The following ARID1B variants were observed in gnomAD, a reference collection of about 807,000 sequenced individuals.
ARID1B encodes the protein AT-rich interaction domain 1B.
In ARID1B, 30 loss-of-function variants were observed where a neutral mutation model predicts 212.3. That is an observed-to-expected ratio of 0.14 (90% CI 0.11 to 0.19). The LOEUF is 0.19. ARID1B is among the 10% of genes least tolerant of loss of function. The probability of loss-of-function intolerance (pLI) is 1.00; values close to 1 mark genes in which losing one functional copy is unlikely to be tolerated. For missense variants in ARID1B, 2,891 were observed against 3,204.0 expected (o/e 0.90, Z 2.36); for synonymous variants, 1,402 against 1,301.7 (o/e 1.08, Z -1.66).
chr6:156,871,435 C>G (rs1425884488), intron 2 of ARID1B, among the ~76,000 whole-genome samples: 1 of 152,124 alleles, frequency 6.6e-6, no homozygotes, highest in East Asian at 1.9e-4. Context: ...CATGGATAAC[C>G]CTTTTGCACA....
In ARID1B at chr6:157,206,085, A is replaced by G. The variant is rs1180366916; in HGVS notation, c.5395-82A>G. The G allele has an allele frequency of 6.9e-6, 10 of 1,444,946 alleles. No individual in the cohort carries two copies. The highest frequency in any genetic ancestry group is 1.3e-5 in the South Asian group (1 of 76,124). 89.5% of individuals were successfully genotyped at this position (1,444,946 alleles called of 1,614,324 possible). On this transcript the variant is annotated intron_variant, in intron 19 of 19. Transcript: ENST00000636930. This position sits in a 1 kb window ranked among gnomAD's most constrained non-coding sequence, Gnocchi z 6.8. The stretch of plus-strand genomic sequence containing the variant: ...TGATGGAAAGGTATTGACGGGTCTC[A>G]GGATCTTTACCCTCCTCGGTCATAT...
chr6:157,103,510 A>G (rs1222188125), intron 5 of ARID1B, among the ~76,000 whole-genome samples: 1 of 152,190 alleles, frequency 6.6e-6, no homozygotes, highest in African/African-American at 2.4e-5. Flanking sequence ...GCTATAATAT[A>G]TTCATGTCTC....
chr6:156,951,811 A>G (rs1291807557), intron 4 of ARID1B, among the ~76,000 whole-genome samples: 1 of 152,192 alleles, frequency 6.6e-6, no homozygotes, highest in Admixed American at 6.5e-5. Flanking sequence ...ATACTTTATA[A>G]AGGAATATAT....
At chr6:157,121,306 G>A (rs759219362) in intron 6 of ARID1B, among the ~76,000 whole-genome samples, 4 of 152,166 alleles carry the variant, frequency 2.6e-5, no homozygotes, top group Non-Finnish European at 5.9e-5. Flanking sequence ...AGTTCATGGA[G>A]CTTCATCACT....
chr6:156,796,981 A>G (rs1780425489), intron 1 of ARID1B, among the ~76,000 whole-genome samples: 1 of 140,508 alleles, frequency 7.1e-6, no homozygotes, highest in East Asian at 2.5e-4. Flanking sequence ...GATGCCTTCC[A>G]TACCCCAAGA....
At chr6:156,827,175 C>T (rs888522559) in intron 1 of ARID1B, among the ~76,000 whole-genome samples, 2 of 152,188 alleles carry the variant, frequency 1.3e-5, no homozygotes, top group Non-Finnish European at 2.9e-5. Context: ...ACTCCCCAAG[C>T]TGCAGCTCAT....
In ARID1B at chr6:157,021,961, C is replaced by T. The variant is rs112280624; in HGVS notation, c.2248-62701C>T. On this transcript the variant is annotated intron_variant, in intron 4 of 19. Coordinates refer to ENST00000636930, the MANE Select transcript of ARID1B (RefSeq NM_001374828.1). ...CCAGCGCTTAAGGTTTTATTTTTCC[C>T]CTACTTCCTTTGGTGCATCTCTTTC... 5.5e-3 allele frequency among the ~76,000 whole-genome samples: 843 copies of T among 152,316 alleles called. 14 individuals are homozygous for T. The highest frequency in any genetic ancestry group is 0.02 in the African/African-American group (814 of 41,568).
intron 2 of ARID1B, among the ~76,000 whole-genome samples, chr6:156,848,546 C>T (rs1292857576): frequency 5.9e-5 from 9 of 152,214 alleles, no homozygotes; most frequent in Admixed American, 3.9e-4. Context: ...GATTAGAACA[C>T]CCATTAGTAA....
At chr6:157,182,052 A>G (rs1022480132) in intron 12 of ARID1B, among the ~76,000 whole-genome samples, 1 of 152,170 alleles carries the variant, frequency 6.6e-6, no homozygotes, top group Non-Finnish European at 1.5e-5. Flanking sequence ...GTTGCAGACT[A>G]GCCTGGGGAC....
chr6:157,166,919 C>A, intron 8 of ARID1B, 121 bp from the exon 9 acceptor site: 2 of 1,361,544 alleles, frequency 1.5e-6, no homozygotes, highest in Non-Finnish European at 9.8e-7. Context: ...CTGTTTTACA[C>A]AAACATGAAA....
At chr6:156,848,778 G>C (rs1394399742) in intron 2 of ARID1B, among the ~76,000 whole-genome samples, 2 of 152,160 alleles carry the variant, frequency 1.3e-5, no homozygotes, top group African/African-American at 2.4e-5. Flanking sequence ...GGTGCCGGGG[G>C]GCCTTCTCTG....
intron 4 of ARID1B, among the ~76,000 whole-genome samples, chr6:157,029,907 T>G (rs1290627117): frequency 6.6e-6 from 1 of 152,182 alleles, no homozygotes; most frequent in Non-Finnish European, 1.5e-5. Context: ...AAGAAGCAAT[T>G]GGCTGCGTGG....
intron 2 of ARID1B, among the ~76,000 whole-genome samples, chr6:156,849,062 A>G (rs1784413591): frequency 6.6e-6 from 1 of 152,218 alleles, no homozygotes; most frequent in Non-Finnish European, 1.5e-5. Context: ...AAACATATTT[A>G]TTAAATGTCA....
chr6:157,059,277 G>A (rs1432203713), intron 4 of ARID1B, among the ~76,000 whole-genome samples: 1 of 152,130 alleles, frequency 6.6e-6, no homozygotes, highest in Non-Finnish European at 1.5e-5. Context: ...ATAGAGTTGT[G>A]TGATGTCAGG....
chr6:156,939,848 AAATT>A (rs1378844301), intron 4 of ARID1B: 7 of 152,252 alleles, frequency 4.6e-5, no homozygotes, highest in African/African-American at 9.6e-5. Flanking sequence ...TACTTATAAA[AAATT>A]AATTGACAGA....
At chr6:157,050,688 A>T (rs535820008) in intron 4 of ARID1B, among the ~76,000 whole-genome samples, 2 of 152,254 alleles carry the variant, frequency 1.3e-5, no homozygotes, top group South Asian at 2.1e-4. Flanking sequence ...AAAAAAGTTA[A>T]TTTTTTTGTT....
At chr6:156,962,163 G>A (rs2128325095) in intron 4 of ARID1B, among the ~76,000 whole-genome samples, 1 of 152,208 alleles carries the variant, frequency 6.6e-6, no homozygotes, top group East Asian at 1.9e-4. Flanking sequence ...GCCGGGCGTG[G>A]TGGCGGGCGC....
At chr6:157,058,036 T>C (rs969977430) in intron 4 of ARID1B, among the ~76,000 whole-genome samples, 2 of 152,204 alleles carry the variant, frequency 1.3e-5, no homozygotes, top group Admixed American at 6.5e-5. Context: ...CAAGATGAAC[T>C]GTAGTACTTA....
chr6:156,922,131 A>G (rs1467442520), intron 3 of ARID1B, among the ~76,000 whole-genome samples: 1 of 151,880 alleles, frequency 6.6e-6, no homozygotes, highest in Admixed American at 6.6e-5. Context: ...CATCTAAGTG[A>G]AGAGTGTGGA....
Sources: gnomAD v4.1 joint callset for allele counts (sites outside exome capture counted in the v4.1 genomes callset) on GRCh38, gnomAD v4.1.1 for gene constraint, Gnocchi (gnomAD v3.1) non-coding constraint, MANE v1.5 for transcripts, NCBI Gene and HGNC (gene_info 2026-07-23, HGNC 2026-07-21) for gene names.